The following CCDC77 variants were observed in gnomAD, a reference collection of about 807,000 sequenced individuals.
The protein encoded by CCDC77 is coiled-coil domain containing 77, also known as coiled-coil domain-containing protein 77.
CCDC77 carries 56 observed loss-of-function variants against 66.8 expected under a neutral mutation model. The observed-to-expected ratio is 0.84, with a 90% CI of 0.68 to 1.05. The LOEUF is 1.05. CCDC77 is among the 50% of genes least tolerant of loss of function. The probability of loss-of-function intolerance (pLI) is 0.00; values close to 1 mark genes in which losing one functional copy is unlikely to be tolerated. For synonymous variants in CCDC77, 196 were observed against 195.2 expected (o/e 1.00, Z -0.03); for missense variants, 570 against 576.8 (o/e 0.99, Z 0.12).
chr12:389,548 A>ACGGGGCGAGGCGGGGCGGGGCGAGG (rs1555141761), intron 1 of CCDC77: 1 of 24,274 alleles, frequency 4.1e-5, no homozygotes, highest in Admixed American at 1.0e-3. Context: ...AGGGAAGCCG[A>ACGGGGCGAGGCGGGGCGGGGCGAGG]CGGGGCGAGG....
chr12:441,732 G>C (rs1368194767), intron 12 of CCDC77, 42 bp from the exon 13 acceptor site: 4 of 1,578,862 alleles, frequency 2.5e-6, no homozygotes, highest in Non-Finnish European at 3.4e-6. Flanking sequence ...CCTGGCATAT[G>C]CCATCATCAT....
At chr12:406,520 G>A (rs1026502323) in intron 2 of CCDC77, among the ~76,000 whole-genome samples, 10 of 152,204 alleles carry the variant, frequency 6.6e-5, no homozygotes, top group African/African-American at 2.2e-4. Flanking sequence ...ACAGGACCTT[G>A]TCGGCAATTT....
intron 9 of CCDC77, among the ~76,000 whole-genome samples, chr12:435,689 A>G (rs529598245): frequency 1.2e-4 from 18 of 152,314 alleles, no homozygotes; most frequent in African/African-American, 4.3e-4. Flanking sequence ...CCTTCTAATC[A>G]TATAACCCGA....
At chr12:404,056 C>T (rs1467173475) in intron 1 of CCDC77, among the ~76,000 whole-genome samples, 3 of 152,192 alleles carry the variant, frequency 2.0e-5, no homozygotes, top group South Asian at 2.1e-4. Flanking sequence ...CAGTGGCTCA[C>T]GCCTGTAATC....
chr12:436,365 C>G (rs1379081931), intron 9 of CCDC77, among the ~76,000 whole-genome samples: 2 of 151,770 alleles, frequency 1.3e-5, no homozygotes, highest in Non-Finnish European at 2.9e-5. Context: ...ACCTCGTGAT[C>G]TGCCCGCCTC....
At chr12:428,172 G>T (rs990793487) in intron 5 of CCDC77, among the ~76,000 whole-genome samples, 1 of 152,144 alleles carries the variant, frequency 6.6e-6, no homozygotes, top group Non-Finnish European at 1.5e-5. Context: ...CGAAGAGCAA[G>T]ATCTGAGCAG....
Position 442,273 on chromosome 12 carries a change from G to T in CCDC77, c.*353G>T, listed in dbSNP as rs1239609278. 5.7e-6 allele frequency: 1 copy of T among 176,600 alleles called. No individual in the cohort carries two copies. Among genetic ancestry groups the T allele is most frequent in the Non-Finnish European group, 1.2e-5 (1 of 82,956 alleles). 10.9% of individuals were successfully genotyped at this position (176,600 alleles called of 1,614,324 possible). A position where few individuals can be genotyped will look rare whatever the true frequency, so the allele number is the denominator to read the frequency against. ...TATTTTGCAATAAGCTTGGCTGAGT[G>T]TCCATGGGAAGAATACTTTCCCTAA... On this transcript the variant is annotated 3_prime_UTR_variant, in exon 13 of 13. Coordinates refer to ENST00000239830, the MANE Select transcript of CCDC77 (RefSeq NM_032358.4).
intron 4 of CCDC77, among the ~76,000 whole-genome samples, chr12:415,311 ATGT>A (rs1945207757): frequency 9.2e-6 from 1 of 109,274 alleles, no homozygotes; most frequent in African/African-American, 3.7e-5. Flanking sequence ...ACATAATATT[ATGT>A]TAATATAATC....
At chr12:433,775 A>G (rs145129469) in intron 9 of CCDC77, among the ~76,000 whole-genome samples, 1 of 152,210 alleles carries the variant, frequency 6.6e-6, no homozygotes, top group Non-Finnish European at 1.5e-5. Flanking sequence ...TCTAAAAAAA[A>G]CTGCACACTC....
At chr12:429,798 A>C (rs560429169) in intron 6 of CCDC77, among the ~76,000 whole-genome samples, 1 of 151,796 alleles carries the variant, frequency 6.6e-6, no homozygotes, top group African/African-American at 2.4e-5. Context: ...TTTTAAAAAA[A>C]TTTTAGAGCT....
rs367815218 is a variant in CCDC77, at chr12:427,612, T to C, written c.414-1157T>C. Among the ~76,000 whole-genome samples the C allele has an allele frequency of 2.2e-4, 33 of 151,716 alleles. No individual in the cohort carries two copies. In the Middle Eastern group the frequency reaches 0.01, roughly 47 times the overall value. On this transcript the variant is annotated intron_variant, in intron 5 of 12. Coordinates refer to ENST00000239830, the MANE Select transcript of CCDC77 (RefSeq NM_032358.4). ...GCTTCAGCCTCCTGAGTAGCTGGGA[T>C]TACAGGTGCACGCCACCACGCCCAG... is the stretch of plus-strand genomic sequence containing the variant.
At chr12:398,611 T>C (rs2137526374), upstream of CCDC77, among the ~76,000 whole-genome samples, 1 of 152,194 alleles carries the variant, frequency 6.6e-6, no homozygotes, top group Non-Finnish European at 1.5e-5. Context: ...CCACAGCATC[T>C]GCAGTTATTT....
At chr12:393,767 G>A (rs910996246) in intron 1 of CCDC77, among the ~76,000 whole-genome samples, 5 of 152,012 alleles carry the variant, frequency 3.3e-5, no homozygotes, top group African/African-American at 1.2e-4. Flanking sequence ...CCTGGCCTCA[G>A]GTGATCCACC....
intron 10 of CCDC77, 110 bp downstream of exon 10, chr12:438,664 G>T (rs1431320323): frequency 2.6e-6 from 2 of 760,136 alleles, no homozygotes; most frequent in Non-Finnish European, 2.1e-6. Flanking sequence ...GGAAGCTCTG[G>T]TAGCAGCTGC....
At chr12:398,031 G>A (rs1277337935), upstream of CCDC77, among the ~76,000 whole-genome samples, 1 of 152,162 alleles carries the variant, frequency 6.6e-6, no homozygotes, top group African/African-American at 2.4e-5. Context: ...CCTTGATGTT[G>A]GGGGCTGCTG....
At chr12:393,529 A>G (rs1474417953) in intron 1 of CCDC77, among the ~76,000 whole-genome samples, 1 of 118,782 alleles carries the variant, frequency 8.4e-6, no homozygotes, top group Admixed American at 1.1e-4. Context: ...ATGGTAGTCA[A>G]TCTTGTCCTT....
chr12:391,451 G>C (rs1230459752), intron 1 of CCDC77, among the ~76,000 whole-genome samples: 1 of 150,558 alleles, frequency 6.6e-6, no homozygotes, highest in Non-Finnish European at 1.5e-5. Flanking sequence ...GTGAGACTCT[G>C]TCTCCAAAAA....
At chr12:425,518 T>C (rs561111543) in intron 5 of CCDC77, among the ~76,000 whole-genome samples, 1 of 152,000 alleles carries the variant, frequency 6.6e-6, no homozygotes, top group East Asian at 1.9e-4. Context: ...TCCATGTCAG[T>C]TGATACATAG....
chr12:397,889 G>A (rs183237220), upstream of CCDC77, among the ~76,000 whole-genome samples: 282 of 152,168 alleles, frequency 1.9e-3, 1 homozygote, highest in African/African-American at 6.6e-3. Flanking sequence ...CTCGTGATCC[G>A]CCCGTCTCAG....
Sources: allele counts gnomAD v4.1 joint callset (sites outside exome capture counted in the v4.1 genomes callset), GRCh38; gene constraint gnomAD v4.1.1; transcripts MANE v1.5; gene names NCBI Gene and HGNC (gene_info 2026-07-23, HGNC 2026-07-21).